The following DMD variants were observed in gnomAD, a reference collection of about 807,000 sequenced individuals.
The protein encoded by DMD is dystrophin, also known as mutant dystrophin.
A neutral mutation model predicts 330.1 loss-of-function variants in DMD; 63 were observed. That is an observed-to-expected ratio of 0.19 (90% confidence interval 0.16 to 0.24). The LOEUF (loss-of-function observed/expected upper bound fraction) is 0.24, where lower values mean the gene tolerates loss of function less well. DMD is among the 10% of genes least tolerant of loss of function. DMD has a pLI of 1.00. For missense variants in DMD, 3,344 were observed against 2,684.1 expected (o/e 1.25, Z -5.43); for synonymous variants, 1,223 against 959.8 (o/e 1.27, Z -5.07).
At chrX:33,009,434 G>A (rs771266008) in intron 2 of DMD, among the ~76,000 whole-genome samples, 11 of 28,858 alleles carry the variant, frequency 3.8e-4, no homozygotes, top group East Asian at 3.3e-3. Flanking sequence ...ATATGTATGT[G>A]TATACACATA....
intron 25 of DMD, 40 bp from the exon 26 acceptor site, chrX:32,454,872 T>A: frequency 8.5e-7 from 1 of 1,173,571 alleles, no homozygotes; most frequent in South Asian, 1.8e-5. Context: ...TTATTGACAG[T>A]GATGAAACAT....
At chrX:32,310,795 TCTC>T (rs2097559514) in intron 41 of DMD, among the ~76,000 whole-genome samples, 2 of 110,718 alleles carry the variant, frequency 1.8e-5, no homozygotes, top group African/African-American at 3.3e-5. Context: ...TAAGCCCTCT[TCTC>T]CTCCAAATTC....
intron 42 of DMD, among the ~76,000 whole-genome samples, chrX:32,299,085 A>G (rs191855633): frequency 2.7e-5 from 3 of 110,519 alleles, no homozygotes; most frequent in Non-Finnish European, 5.7e-5. Context: ...ATTTTGCACT[A>G]ACACAGGAAA....
chrX:31,934,776 A>G (rs2094902804), intron 45 of DMD, among the ~76,000 whole-genome samples: 1 of 112,063 alleles, frequency 8.9e-6, no homozygotes, highest in African/African-American at 3.2e-5. Flanking sequence ...GGAAAGCTGG[A>G]AATAAGGACT....
At chrX:31,549,639 C>A (rs1195964462) in intron 55 of DMD, among the ~76,000 whole-genome samples, 1 of 112,229 alleles carries the variant, frequency 8.9e-6, no homozygotes, top group Non-Finnish European at 1.9e-5. Flanking sequence ...TAAAACACAT[C>A]ACCTAGTTTT....
intron 17 of DMD, among the ~76,000 whole-genome samples, chrX:32,528,300 C>A (rs558827283): frequency 1.8e-5 from 2 of 109,831 alleles, no homozygotes; most frequent in African/African-American, 6.6e-5. Context: ...CAGAACGAGA[C>A]TCAGTCTCAA....
chrX:32,976,794 T>C (rs1330263706), intron 2 of DMD, among the ~76,000 whole-genome samples: 1 of 111,631 alleles, frequency 9.0e-6, no homozygotes, highest in Non-Finnish European at 1.9e-5. Context: ...ATATATCCAT[T>C]ATTTTTAATT....
intron 64 of DMD, among the ~76,000 whole-genome samples, chrX:31,215,366 G>T (rs746325791): frequency 1.4e-4 from 16 of 110,381 alleles, no homozygotes; most frequent in Non-Finnish European, 2.8e-4. Flanking sequence ...GGGGGACTCT[G>T]CTAAAACCTC....
At chrX:32,394,338 G>C (rs2098025197) in intron 30 of DMD, among the ~76,000 whole-genome samples, 1 of 111,570 alleles carries the variant, frequency 9.0e-6, no homozygotes, top group East Asian at 2.8e-4. Flanking sequence ...ACAGTAACCA[G>C]GATTTAAATT....
chrX:31,315,116 G>A (rs4642801), intron 62 of DMD, among the ~76,000 whole-genome samples: 46,929 of 110,769 alleles, frequency 0.42, 7,895 homozygotes, highest in South Asian at 0.67. Context: ...GGAGAGGCCC[G>A]GGAATGTTTG....
intron 2 of DMD, among the ~76,000 whole-genome samples, chrX:32,853,832 T>A: frequency 9.6e-6 from 1 of 103,756 alleles, no homozygotes; most frequent in Non-Finnish European, 2.0e-5. Flanking sequence ...ATCTGTTGCC[T>A]ACAAGAAACA....
chrX:31,178,692 G>C lies in DMD; in HGVS notation c.10200C>G (p.Val3400=), dbSNP rs1373944162. ...PRMGYLPVQT[V]LEGDNMETPV... is the part of the protein sequence containing the mutation. The stretch of plus-strand genomic sequence containing the variant: ...ACGTTTCCATGTTGTCCCCCTCTAA[G>C]ACAGTCTGCACTGGCAGGTAGCCCA... The change falls in exon 70 of 79, where the codon GTC becomes GTG. Residue 3400 remains valine (V), a synonymous_variant. Coordinates refer to ENST00000357033, the MANE Select transcript of DMD (RefSeq NM_004006.3). The C allele has an allele frequency of 8.3e-7, 1 of 1,209,339 alleles. No individual in the cohort carries two copies. Among genetic ancestry groups the C allele is most frequent in the African/African-American group, 1.7e-5 (1 of 57,247 alleles).
rs1243034719 is a variant in DMD, at chrX:32,024,503, AAAAAAG to A, written c.6439-55995_6439-55990del. On this transcript the variant is annotated intron_variant, in intron 44 of 78. Transcript: ENST00000357033. Reference sequence around the variant, plus strand: ...CTCCCTCTCAAAAAAAAAAAAAAAAAAAAAAGTATGAAACAAACAAAGAATATATTA... The same window carrying A: ...CTCCCTCTCAAAAAAAAAAAAAAAAATATGAAACAAACAAAGAATATATTA... Among the ~76,000 whole-genome samples, 239 of 109,156 alleles carry A rather than the reference AAAAAAG, an allele frequency of 2.2e-3. 2 individuals carry two copies. Among genetic ancestry groups the A allele is most frequent in the African/African-American group, 7.2e-3 (215 of 29,666 alleles). 94.8% of individuals were successfully genotyped at this position (109,156 alleles called of 115,157 possible). A position where few individuals can be genotyped will look rare whatever the true frequency, so the allele number is the denominator to read the frequency against.
At chrX:31,278,674 G>A (rs1454288749) in intron 62 of DMD, among the ~76,000 whole-genome samples, 1 of 112,160 alleles carries the variant, frequency 8.9e-6, no homozygotes, top group East Asian at 2.8e-4. Context: ...CACGTTGCCT[G>A]TCTGAACAAA....
intron 2 of DMD, among the ~76,000 whole-genome samples, chrX:33,014,358 A>T (rs919431173): frequency 1.8e-5 from 2 of 112,078 alleles, no homozygotes; most frequent in African/African-American, 6.5e-5. Context: ...AGTCATGTTT[A>T]CTTGGCTATT....
intron 44 of DMD, among the ~76,000 whole-genome samples, chrX:32,049,368 A>G (rs1437119969): frequency 1.8e-5 from 2 of 111,780 alleles, no homozygotes; most frequent in African/African-American, 6.5e-5. Context: ...ATTCATGCAT[A>G]ACCGCAACTA....
intron 62 of DMD, among the ~76,000 whole-genome samples, chrX:31,286,823 G>A (rs1222182904): frequency 8.9e-6 from 1 of 112,039 alleles, no homozygotes; most frequent in African/African-American, 3.2e-5. Context: ...GGAGTGCAGC[G>A]GCGTGATCTC....
chrX:32,338,972 C>G (rs955063329), intron 41 of DMD, among the ~76,000 whole-genome samples: 3 of 111,849 alleles, frequency 2.7e-5, no homozygotes, highest in African/African-American at 9.7e-5. Context: ...ACAAATGCTG[C>G]GTACTTAATT....
intron 1 of DMD, among the ~76,000 whole-genome samples, chrX:33,257,886 A>G (rs752286932): frequency 9.1e-6 from 1 of 110,409 alleles, no homozygotes; most frequent in South Asian, 3.8e-4. Context: ...TACCCTACTC[A>G]CTCCAGCTGC....
Sources: gnomAD v4.1 joint callset for allele counts (sites outside exome capture counted in the v4.1 genomes callset) on GRCh38, gnomAD v4.1.1 for gene constraint, MANE v1.5 for transcripts, NCBI Gene and HGNC (gene_info 2026-07-23, HGNC 2026-07-21) for gene names.